The following KANSL1L variants were observed in gnomAD, a reference collection of about 807,000 sequenced individuals.
KANSL1L encodes the protein KAT8 regulatory NSL complex subunit 1 like.
A neutral mutation model predicts 108.6 loss-of-function variants in KANSL1L; 25 were observed. The ratio of observed to expected loss-of-function variants is 0.23; its 90% CI spans 0.17 to 0.32. The LOEUF (loss-of-function observed/expected upper bound fraction) is 0.32. KANSL1L is among the 10% of genes least tolerant of loss of function. The pLI is 1.00. For missense variants in KANSL1L, 1,137 were observed against 1,125.7 expected (o/e 1.01, Z -0.14); for synonymous variants, 405 against 395.1 (o/e 1.03, Z -0.30).
intron 3 of KANSL1L, among the ~76,000 whole-genome samples, chr2:210,128,379 T>C (rs2095088389): frequency 1.3e-5 from 2 of 152,144 alleles, no homozygotes; most frequent in South Asian, 2.1e-4. Flanking sequence ...AACGGATGAA[T>C]GAATAAACAA....
At chr2:210,117,579 G>A (rs1210137178) in intron 3 of KANSL1L, among the ~76,000 whole-genome samples, 1 of 152,166 alleles carries the variant, frequency 6.6e-6, no homozygotes, top group African/African-American at 2.4e-5. Flanking sequence ...CAGGTGAGGA[G>A]TGAGTGGCAT....
At chr2:210,028,104 A>G (rs2093962224) in intron 11 of KANSL1L, among the ~76,000 whole-genome samples, 1 of 152,194 alleles carries the variant, frequency 6.6e-6, no homozygotes, top group South Asian at 2.1e-4. Flanking sequence ...AGTTTGGCTA[A>G]CGTTACTGCC....
At position 210,024,049 on chromosome 2, in the gene KANSL1L, T is replaced by C; in HGVS notation, c.2717A>G (p.Gln906Arg). Residue 906 changes from glutamine (Q) to arginine (R), a missense_variant, in exon 14 of 15, where the codon CAA becomes CGA. Gln to Arg is a conservative substitution (Grantham distance 43). This residue lies in a region of KANSL1L where 575 missense variants were observed against 567.1 expected (regional missense o/e 1.01). Coordinates refer to ENST00000281772, the MANE Select transcript of KANSL1L (RefSeq NM_152519.4). Reference protein sequence around the residue: ...LCAYGLPSLNQSQETKSLWWE... With the variant: ...LCAYGLPSLNRSQETKSLWWE... ...TACACTTACCTTGGTTTCTTGACTTTGATTTAAAGAAGGTAAGCCATATGC... is the reference window on the plus strand; with the variant it reads ...TACACTTACCTTGGTTTCTTGACTTCGATTTAAAGAAGGTAAGCCATATGC... 6.4e-7 allele frequency: 1 copy of C among 1,573,360 alleles called. No homozygotes were observed. Among genetic ancestry groups the C allele is most frequent in the Non-Finnish European group, 8.6e-7 (1 of 1,161,024 alleles).
intron 5 of KANSL1L, among the ~76,000 whole-genome samples, chr2:210,081,285 T>C (rs1458742778): frequency 1.3e-5 from 2 of 152,184 alleles, no homozygotes; most frequent in Non-Finnish European, 2.9e-5. Flanking sequence ...CCTTTCTTTA[T>C]AAATAATTCA....
chr2:210,149,485 T>C (rs572210782), intron 2 of KANSL1L, among the ~76,000 whole-genome samples: 1 of 152,292 alleles, frequency 6.6e-6, no homozygotes, highest in African/African-American at 2.4e-5. Flanking sequence ...ATCTGTTTAT[T>C]TGGTATTTTA....
chr2:210,106,065 T>C (rs907215693), intron 3 of KANSL1L, among the ~76,000 whole-genome samples: 5 of 152,188 alleles, frequency 3.3e-5, no homozygotes, highest in Non-Finnish European at 7.4e-5. Context: ...CCATTTGATA[T>C]AGCCAGTGTT....
intron 6 of KANSL1L, among the ~76,000 whole-genome samples, chr2:210,049,191 T>C (rs2094259765): frequency 6.6e-6 from 1 of 152,084 alleles, no homozygotes; most frequent in African/African-American, 2.4e-5. Context: ...AAATAAAAAC[T>C]TCTATGGAGT....
At chr2:210,050,506 C>T (rs2094278935) in intron 6 of KANSL1L, among the ~76,000 whole-genome samples, 1 of 151,988 alleles carries the variant, frequency 6.6e-6, no homozygotes, top group African/African-American at 2.4e-5. Flanking sequence ...ATTGCTGAAG[C>T]AGCTATATAA....
chr2:210,162,092 C>T (rs2095364428), intron 1 of KANSL1L, among the ~76,000 whole-genome samples: 8 of 148,074 alleles, frequency 5.4e-5, no homozygotes, highest in Admixed American at 4.7e-4. Flanking sequence ...TATATATACA[C>T]ACACACACAT....
chr2:210,172,577 A>T (rs1688391568), upstream of KANSL1L, among the ~76,000 whole-genome samples: 1 of 152,154 alleles, frequency 6.6e-6, no homozygotes, highest in African/African-American at 2.4e-5. Context: ...TTACTGAATA[A>T]TTGCACCTCG....
At chr2:210,139,803 G>A (rs894044198) in intron 2 of KANSL1L, among the ~76,000 whole-genome samples, 4 of 149,334 alleles carry the variant, frequency 2.7e-5, no homozygotes, top group Non-Finnish European at 5.9e-5. Context: ...GTGCAGAGGC[G>A]CAATCTTGGC....
chr2:210,143,072 T>C (rs890709055), intron 2 of KANSL1L, among the ~76,000 whole-genome samples: 3 of 152,180 alleles, frequency 2.0e-5, no homozygotes, highest in African/African-American at 4.8e-5. Context: ...TATTGCAGTC[T>C]ATTTTTTCCT....
At chr2:210,078,660 C>T (rs1395193527) in intron 5 of KANSL1L, among the ~76,000 whole-genome samples, 7 of 152,150 alleles carry the variant, frequency 4.6e-5, no homozygotes, top group Admixed American at 1.3e-4. Flanking sequence ...GATAAATTCA[C>T]TTATTTCACA....
chr2:210,106,050 A>G (rs1178607689), intron 3 of KANSL1L, among the ~76,000 whole-genome samples: 2 of 152,226 alleles, frequency 1.3e-5, no homozygotes, highest in Non-Finnish European at 2.9e-5. Flanking sequence ...AATCTAAGAG[A>G]GAAACCATTT....
chr2:210,155,397 G>T (rs2095327434), intron 1 of KANSL1L: 1 of 152,194 alleles, frequency 6.6e-6, no homozygotes, highest in Non-Finnish European at 1.5e-5. Flanking sequence ...GCATGACAGA[G>T]TAAGACTCTG....
intron 3 of KANSL1L, among the ~76,000 whole-genome samples, chr2:210,113,562 C>A (rs2094928502): frequency 6.6e-6 from 1 of 150,426 alleles, no homozygotes; most frequent in African/African-American, 2.4e-5. Context: ...ATGGAGCATT[C>A]AAAGGAAAAA....
intron 5 of KANSL1L, among the ~76,000 whole-genome samples, chr2:210,081,107 A>AG (rs2094586267): frequency 6.6e-6 from 1 of 152,074 alleles, no homozygotes; most frequent in Admixed American, 6.6e-5. Context: ...ACTGTGTCTC[A>AG]GAAAAACAAA....
intron 6 of KANSL1L, among the ~76,000 whole-genome samples, chr2:210,051,076 AG>A (rs549028822): frequency 2.5e-3 from 385 of 152,232 alleles, no homozygotes; most frequent in African/African-American, 8.9e-3. Flanking sequence ...ATTCCATGGC[AG>A]GAGGATCACT....
At chr2:210,029,199 A>C (rs1351706993) in intron 10 of KANSL1L, 2 of 386,070 alleles carry the variant, frequency 5.2e-6, no homozygotes, top group African/African-American at 4.2e-5. Flanking sequence ...TTATGTGTGC[A>C]AGCATACAAG....
Sources: gnomAD v4.1 joint callset for allele counts (sites outside exome capture counted in the v4.1 genomes callset) on GRCh38, gnomAD v4.1.1 for gene constraint, gnomAD v4.1.1 regional missense constraint, MANE v1.5 for transcripts, NCBI Gene and HGNC (gene_info 2026-07-23, HGNC 2026-07-21) for gene names.